AR: variants seen among roughly 807,000 people sequenced by gnomAD.
The protein encoded by AR is dihydrotestosterone receptor.
Under a neutral mutation model 53.9 loss-of-function variants are expected in AR, and 8 were observed. The observed-to-expected ratio is 0.15, with a 90% CI of 0.09 to 0.27. The LOEUF (loss-of-function observed/expected upper bound fraction) is 0.27. Among genes scored for constraint, AR ranks in the 10% least tolerant of loss-of-function variants. The pLI, the probability that AR is intolerant of heterozygous loss-of-function variation, is 1.00. For missense variants in AR, 639 were observed against 742.5 expected (o/e 0.86, Z 1.62); for synonymous variants, 359 against 316.4 (o/e 1.13, Z -1.43).
At chrX:67,565,097 A>C (rs1192814894) in intron 1 of AR, among the ~76,000 whole-genome samples, 3 of 111,474 alleles carry the variant, frequency 2.7e-5, no homozygotes, top group Non-Finnish European at 5.6e-5. Flanking sequence ...CCACAGTGGC[A>C]CAGCCTCCCA....
In AR at chrX:67,568,447, G is replaced by C. The variant is rs746899830; in HGVS notation, c.1616+21685G>C. Among the ~76,000 whole-genome samples, 236 of 111,431 alleles carry C rather than the reference G, an allele frequency of 2.1e-3. 1 individual carries two copies. The highest frequency in any genetic ancestry group is 3.3e-3 in the Non-Finnish European group (176 of 53,037). ...CTGGCACATTCAGATTGGAAATCGA[G>C]GGCTTCTGCTCCCAGGTCAGAACTA... On this transcript the variant is annotated intron_variant, in intron 1 of 7. Coordinates refer to ENST00000374690, the MANE Select transcript of AR (RefSeq NM_000044.6).
intron 3 of AR, among the ~76,000 whole-genome samples, chrX:67,692,282 G>T (rs1242892653): frequency 8.9e-6 from 1 of 112,423 alleles, no homozygotes; most frequent in Non-Finnish European, 1.9e-5. Flanking sequence ...GAATTCCAAA[G>T]ACCCTCAGGC....
intron 1 of AR, among the ~76,000 whole-genome samples, chrX:67,613,309 A>G (rs1398356850): frequency 9.0e-6 from 1 of 111,691 alleles, no homozygotes; most frequent in Non-Finnish European, 1.9e-5. Context: ...TGTCCCAGGG[A>G]AAGGCAGGTT....
At chrX:67,694,039 C>A (rs903036810) in intron 3 of AR, among the ~76,000 whole-genome samples, 2 of 111,267 alleles carry the variant, frequency 1.8e-5, no homozygotes, top group African/African-American at 3.3e-5. Flanking sequence ...TGAAAAGTCA[C>A]CAGCCCAAGC....
At position 67,637,989 on chromosome X, in the gene AR, C is replaced by T. The variant is rs759845081; in HGVS notation, c.1617-5267C>T. The stretch of plus-strand genomic sequence containing the variant: ...ATTCCCTCCCTTGCCCCTCACCCCT[C>T]ACTGGCCCCAGTGTGTGATGTTCCC... On this transcript the variant is annotated intron_variant, in intron 1 of 7. Transcript: ENST00000374690. Among the ~76,000 whole-genome samples the T allele has an allele frequency of 1.5e-4, 17 of 110,623 alleles. No homozygotes were observed. The East Asian group carries it at 4.6e-3, about 30-fold the overall frequency.
chrX:67,702,656 C>T (rs1272735259), intron 3 of AR, among the ~76,000 whole-genome samples: 1 of 112,303 alleles, frequency 8.9e-6, no homozygotes, highest in Non-Finnish European at 1.9e-5. Flanking sequence ...CCTCTTGCAA[C>T]ACCAACCCCA....
intron 1 of AR, among the ~76,000 whole-genome samples, chrX:67,602,196 T>C (rs1923402093): frequency 8.9e-6 from 1 of 112,428 alleles, no homozygotes. Flanking sequence ...TAAACTAAGC[T>C]ATCTCTACTC....
rs1923163067 is a variant in AR, at chrX:67,598,076, A to G, written c.1617-45180A>G. ...TATTCATCTTTGAAATGAGTATAAT[A>G]CCTGTGATTATAATTACTTATCTGG... On this transcript the variant is annotated intron_variant, in intron 1 of 7. Transcript: ENST00000374690. Among the ~76,000 whole-genome samples, 4 of 111,116 alleles carry G rather than the reference A, an allele frequency of 3.6e-5. 1 individual carries two copies. The South Asian group carries it at 1.5e-3, about 42-fold the overall frequency.
At chrX:67,562,118 A>C (rs1449890770) in intron 1 of AR, among the ~76,000 whole-genome samples, 2 of 106,400 alleles carry the variant, frequency 1.9e-5, no homozygotes, top group East Asian at 5.9e-4. Flanking sequence ...TTTATTTATT[A>C]TTTATTTATT....
Position 67,565,090 on chromosome X carries a change from C to T in AR, c.1616+18328C>T, listed in dbSNP as rs759799801. Among the ~76,000 whole-genome samples, 41 of 111,818 alleles carry T rather than the reference C, an allele frequency of 3.7e-4. No homozygotes were observed. The South Asian group carries it at 4.9e-3, about 13-fold the overall frequency. On this transcript the variant is annotated intron_variant, in intron 1 of 7. Transcript: ENST00000374690. The stretch of plus-strand genomic sequence containing the variant: ...TCTAGCACCTCAGACTGTCTTCCCA[C>T]AGTGGCACAGCCTCCCACTCCACTT...
chrX:67,718,405 T>C (rs1732535394), intron 5 of AR, among the ~76,000 whole-genome samples: 1 of 111,544 alleles, frequency 9.0e-6, no homozygotes, highest in South Asian at 3.8e-4. Flanking sequence ...GGAATTACAT[T>C]TTTCTCCACT....
intron 2 of AR, among the ~76,000 whole-genome samples, chrX:67,675,661 G>T (rs767279826): frequency 8.9e-6 from 1 of 111,917 alleles, no homozygotes; most frequent in African/African-American, 3.2e-5. Context: ...GCTGCTGGGG[G>T]CTGGGGGAGG....
intron 3 of AR, among the ~76,000 whole-genome samples, chrX:67,688,138 G>T (rs1356041753): frequency 1.8e-5 from 2 of 111,713 alleles, no homozygotes; most frequent in East Asian, 2.8e-4. Context: ...CATTTCAGTT[G>T]CAGGCCCATG....
At chrX:67,590,822 A>G (rs1418119512) in intron 1 of AR, among the ~76,000 whole-genome samples, 3 of 112,332 alleles carry the variant, frequency 2.7e-5, no homozygotes, top group Non-Finnish European at 1.9e-5. Context: ...TGTTTCTTAA[A>G]GTGTAATCTA....
intron 1 of AR, among the ~76,000 whole-genome samples, chrX:67,631,120 G>A (rs1925073577): frequency 9.0e-6 from 1 of 110,773 alleles, no homozygotes; most frequent in African/African-American, 3.3e-5. Context: ...TATGTGTCTT[G>A]GAGTTGCTCT....
chrX:67,612,948 CT>C lies in AR; in HGVS notation c.1617-30300del, dbSNP rs1051544144. On this transcript the variant is annotated intron_variant, in intron 1 of 7. Coordinates refer to ENST00000374690, the MANE Select transcript of AR (RefSeq NM_000044.6). ...ACAATGGGGCAGACCACAAGCATCT[CT>C]TTTTTTTCCCCCAGCCCTATATTAC... 1.1e-3 allele frequency among the ~76,000 whole-genome samples: 126 copies of C among 111,258 alleles called. 1 individual carries two copies. Among genetic ancestry groups the C allele is most frequent in the Middle Eastern group, 4.7e-3 (1 of 211 alleles).
At chrX:67,600,503 C>T (rs1602183040) in intron 1 of AR, among the ~76,000 whole-genome samples, 1 of 110,314 alleles carries the variant, frequency 9.1e-6, no homozygotes, top group Non-Finnish European at 1.9e-5. Context: ...AACAATTGAA[C>T]TAATGGATAT....
At chrX:67,643,144 A>C in intron 1 of AR, 112 bp from the exon 2 acceptor site, 1 of 934,836 alleles carries the variant, frequency 1.1e-6, no homozygotes, top group East Asian at 3.1e-5. Flanking sequence ...TAACTTGAGC[A>C]ATGAATAATA....
chrX:67,641,860 G>GTTT (rs775050804), intron 1 of AR, among the ~76,000 whole-genome samples: 33 of 95,387 alleles, frequency 3.5e-4, no homozygotes, highest in Non-Finnish European at 6.2e-4. Flanking sequence ...AACCTTTCAT[G>GTTT]TTTTTTTTTT....
Sources: gnomAD v4.1 joint callset for allele counts (sites outside exome capture counted in the v4.1 genomes callset) on GRCh38, gnomAD v4.1.1 for gene constraint, MANE v1.5 for transcripts, NCBI Gene and HGNC (gene_info 2026-07-23, HGNC 2026-07-21) for gene names.